IGBP1: variants seen among roughly 807,000 people sequenced by gnomAD.
The protein encoded by IGBP1 is immunoglobulin binding protein 1.
In IGBP1, 2 loss-of-function variants were observed where a neutral mutation model predicts 25.9. The ratio of observed to expected loss-of-function variants is 0.08; its 90% CI spans 0.03 to 0.24. The LOEUF (loss-of-function observed/expected upper bound fraction) is 0.24. Among genes scored for constraint, IGBP1 ranks in the 10% least tolerant of loss-of-function variants. The pLI is 1.00. For synonymous variants in IGBP1, 96 were observed against 93.4 expected (o/e 1.03, Z -0.16); for missense variants, 187 against 260.4 (o/e 0.72, Z 1.94).
At chrX:70,138,561 A>AT (rs1280740710) in intron 3 of IGBP1, among the ~76,000 whole-genome samples, 3 of 111,174 alleles carry the variant, frequency 2.7e-5, no homozygotes, top group Non-Finnish European at 5.7e-5. Flanking sequence ...ACAGAAGAAT[A>AT]TTTTTTAAAT....
At chrX:70,146,443 G>T (rs2085167115) in intron 3 of IGBP1, among the ~76,000 whole-genome samples, 190 bp from the exon 4 acceptor site, 1 of 110,452 alleles carries the variant, frequency 9.1e-6, no homozygotes, top group Non-Finnish European at 1.9e-5. Context: ...CCCCTGCTGG[G>T]CCCTAACTTG....
intron 6 of IGBP1, among the ~76,000 whole-genome samples, chrX:70,158,440 G>A (rs2085253289): frequency 8.9e-6 from 1 of 111,946 alleles, no homozygotes. Context: ...CAGCAGAAAG[G>A]GAGCCCTTAT....
chrX:70,155,352 G>T (rs12009811), intron 6 of IGBP1, among the ~76,000 whole-genome samples: 16,889 of 109,155 alleles, frequency 0.15, 2,124 homozygotes, highest in African/African-American at 0.42. Context: ...AAAATTAGCC[G>T]GGTGTGGTGG....
chrX:70,136,698 T>TTTATTATTATTATTATTATTATTA (rs58340348), intron 3 of IGBP1, among the ~76,000 whole-genome samples: 1 of 98,009 alleles, frequency 1.0e-5, no homozygotes, highest in African/African-American at 4.3e-5. Context: ...TTCTTTTTTC[T>TTTATTATTATTATTATTATTATTA]TTATTATTAT....
intron 3 of IGBP1, among the ~76,000 whole-genome samples, chrX:70,142,032 C>T (rs1188029221): frequency 1.8e-5 from 2 of 111,644 alleles, no homozygotes; most frequent in African/African-American, 6.5e-5. Context: ...CCCACTGTAG[C>T]ACAGAAAAGA....
intron 3 of IGBP1, among the ~76,000 whole-genome samples, chrX:70,145,638 C>T (rs1286754931): frequency 9.0e-6 from 1 of 111,091 alleles, no homozygotes; most frequent in Non-Finnish European, 1.9e-5. Flanking sequence ...CTATGTCTGA[C>T]CTCATTTTCT....
intron 4 of IGBP1, 31 bp from the exon 5 acceptor site, chrX:70,148,730 A>G (rs778763551): frequency 1.2e-4 from 111 of 941,408 alleles, no homozygotes; most frequent in Non-Finnish European, 1.6e-4. Context: ...AAAATGGCAA[A>G]TTCACCTCTC....
At chrX:70,155,844 T>C (rs1265304604) in intron 6 of IGBP1, among the ~76,000 whole-genome samples, 1 of 111,770 alleles carries the variant, frequency 8.9e-6, no homozygotes, top group African/African-American at 3.2e-5. Context: ...TAAAAGGGCA[T>C]TTCCTACTGA....
intron 3 of IGBP1, among the ~76,000 whole-genome samples, chrX:70,144,687 G>A (rs1347896486): frequency 1.4e-5 from 1 of 71,480 alleles, no homozygotes; most frequent in Non-Finnish European, 2.4e-5. Flanking sequence ...TTGAGATGGA[G>A]TCTCACTCTG....
At chrX:70,136,653 C>T (rs1001173689) in intron 3 of IGBP1, among the ~76,000 whole-genome samples, 5 of 110,310 alleles carry the variant, frequency 4.5e-5, no homozygotes, top group African/African-American at 9.9e-5. Context: ...AGAGCTTACT[C>T]TGGTTGGTGA....
chrX:70,165,551 A>G (rs1266185961), intron 6 of IGBP1, among the ~76,000 whole-genome samples: 4 of 110,690 alleles, frequency 3.6e-5, no homozygotes, highest in Non-Finnish European at 7.6e-5. Flanking sequence ...CCATTTTTGC[A>G]AGAATTCTCT....
chrX:70,155,330 A>C (rs58171437), intron 6 of IGBP1, among the ~76,000 whole-genome samples: 90 of 110,362 alleles, frequency 8.2e-4, no homozygotes, highest in African/African-American at 2.8e-3. Flanking sequence ...CCCCATCTAT[A>C]CTAAAAATAG....
chrX:70,141,282 G>T (rs987023211), intron 3 of IGBP1, among the ~76,000 whole-genome samples: 1 of 110,151 alleles, frequency 9.1e-6, no homozygotes, highest in Admixed American at 9.7e-5. Context: ...GGGAGGTGGA[G>T]GTTGCCATGA....
intron 3 of IGBP1, among the ~76,000 whole-genome samples, chrX:70,137,979 A>G (rs2085106834): frequency 9.3e-6 from 1 of 107,632 alleles, no homozygotes; most frequent in Non-Finnish European, 1.9e-5. Flanking sequence ...CAAAAAAAAA[A>G]AAAAAAATTA....
chrX:70,133,871 G>A lies in IGBP1; in HGVS notation c.-77G>A. On this transcript the variant is annotated 5_prime_UTR_variant, in exon 2 of 7. Coordinates refer to ENST00000356413, the MANE Select transcript of IGBP1 (RefSeq NM_001551.3). ...TGAGGTGCTTCTTCCGGTTTTGTCC[G>A]CGCTCGCCTAATTCTTCTTTATCAA... The A allele has an allele frequency of 7.3e-6, 7 of 958,977 alleles. No individual in the cohort carries two copies. The South Asian group carries it at 1.4e-4, about 20-fold the overall frequency. 79.0% of individuals were successfully genotyped at this position (958,977 alleles called of 1,213,427 possible).
chrX:70,155,999 A>G, intron 6 of IGBP1, among the ~76,000 whole-genome samples: 1 of 111,727 alleles, frequency 9.0e-6, no homozygotes, highest in Non-Finnish European at 1.9e-5. Flanking sequence ...CAAGGAACAG[A>G]GAGGCCTGGA....
chrX:70,142,843 G>T lies in IGBP1; in HGVS notation c.483-3790G>T, dbSNP rs933935383. On this transcript the variant is annotated intron_variant, in intron 3 of 6. Transcript: ENST00000356413. ...AAAAAAACACAAAGATATTACCTTG[G>T]AAATGGCTTGGTAGAGACAGAATCA... is the stretch of plus-strand genomic sequence containing the variant. 2.8e-5 allele frequency among the ~76,000 whole-genome samples: 3 copies of T among 108,720 alleles called. No homozygotes were observed. The Admixed American group carries it at 3.0e-4, about 11-fold the overall frequency. The allele number at this position is 108,720 out of a possible 115,157, so 94.4% of individuals were successfully genotyped here. A position where few individuals can be genotyped will look rare whatever the true frequency, so the allele number is the denominator to read the frequency against.
chrX:70,163,231 AT>A (rs200198806), intron 6 of IGBP1, among the ~76,000 whole-genome samples: 6 of 108,718 alleles, frequency 5.5e-5, no homozygotes, highest in African/African-American at 2.0e-4. Flanking sequence ...TGTCATAAAT[AT>A]TTTTTTTGTA....
At chrX:70,145,388 C>G (rs2085159679) in intron 3 of IGBP1, among the ~76,000 whole-genome samples, 1 of 111,450 alleles carries the variant, frequency 9.0e-6, no homozygotes, top group South Asian at 3.8e-4. Context: ...GTCACCATCT[C>G]TCACTTGGAT....
Sources: allele counts gnomAD v4.1 joint callset (sites outside exome capture counted in the v4.1 genomes callset), GRCh38; gene constraint gnomAD v4.1.1; transcripts MANE v1.5; gene names NCBI Gene and HGNC (gene_info 2026-07-23, HGNC 2026-07-21).